Variants in CMTM8 observed in about 807,000 individuals in gnomAD.
CMTM8 encodes CKLF like MARVEL transmembrane domain containing 8, also known as CKLF-like MARVEL transmembrane domain-containing protein 8.
In CMTM8, 12 loss-of-function variants were observed where a neutral mutation model predicts 18.6. That is an observed-to-expected ratio of 0.65 (90% CI 0.41 to 1.05). CMTM8 has a LOEUF of 1.05. Ranked by LOEUF, CMTM8 falls within the 50% of genes least tolerant of loss-of-function variation. The pLI is 0.00. For missense variants in CMTM8, 217 were observed against 227.2 expected (o/e 0.95, Z 0.29); for synonymous variants, 87 against 90.6 (o/e 0.96, Z 0.23).
intron 1 of CMTM8, 97 bp from the exon 2 acceptor site, chr3:32,357,276 T>G: frequency 2.3e-5 from 21 of 904,490 alleles, no homozygotes; most frequent in South Asian, 3.4e-5. Flanking sequence ...GTAATTGACA[T>G]TCTGTATAAT....
chr3:32,354,826 A>G (rs1426919786), intron 1 of CMTM8, among the ~76,000 whole-genome samples: 3 of 152,200 alleles, frequency 2.0e-5, no homozygotes, highest in East Asian at 3.8e-4. Context: ...TGTCAAATAC[A>G]TGTGTATAGA....
intron 1 of CMTM8, among the ~76,000 whole-genome samples, chr3:32,294,376 G>A (rs949549002): frequency 1.3e-5 from 2 of 152,136 alleles, no homozygotes; most frequent in African/African-American, 2.4e-5. Flanking sequence ...TCTATGAAAC[G>A]TTTTCCGATT....
chr3:32,367,637 C>T (rs557438391), intron 2 of CMTM8, among the ~76,000 whole-genome samples: 13 of 152,038 alleles, frequency 8.6e-5, no homozygotes, highest in South Asian at 4.2e-4. Context: ...ACTGAAGGGG[C>T]GGCATGCAGT....
chr3:32,309,218 C>G (rs2125568116), intron 1 of CMTM8, among the ~76,000 whole-genome samples: 1 of 151,386 alleles, frequency 6.6e-6, no homozygotes, highest in Admixed American at 6.6e-5. Flanking sequence ...CCTTTCTAGA[C>G]TTGGTGCTGT....
At chr3:32,359,038 T>G (rs2125600287) in intron 2 of CMTM8, among the ~76,000 whole-genome samples, 1 of 152,352 alleles carries the variant, frequency 6.6e-6, no homozygotes, top group East Asian at 1.9e-4. Flanking sequence ...GAAGAGGAAC[T>G]TGGACAGTGT....
At chr3:32,338,454 T>A (rs184786539) in intron 1 of CMTM8, among the ~76,000 whole-genome samples, 173 of 152,200 alleles carry the variant, frequency 1.1e-3, no homozygotes, top group Middle Eastern at 3.4e-3. Context: ...TAAATCATGT[T>A]CTCTGGAAGA....
chr3:32,245,293 A>C (rs1701994197), intron 1 of CMTM8, among the ~76,000 whole-genome samples: 1 of 152,222 alleles, frequency 6.6e-6, no homozygotes, highest in Non-Finnish European at 1.5e-5. Flanking sequence ...TTAGGCAGAG[A>C]ACAAAGCAGT....
In CMTM8 at chr3:32,368,834, A is replaced by G. The variant is rs1426634904; in HGVS notation, c.438+846A>G. ...GTGTATTATTTTTCTAATTAAAAAA[A>G]ACTGGTATTAAGAATCTCTCTGAGA... On this transcript the variant is annotated intron_variant, in intron 3 of 3. Transcript: ENST00000307526. 2.0e-5 allele frequency among the ~76,000 whole-genome samples: 3 copies of G among 151,884 alleles called. No homozygotes were observed. In the East Asian group the frequency reaches 5.8e-4, roughly 29 times the overall value.
intron 1 of CMTM8, among the ~76,000 whole-genome samples, chr3:32,274,866 G>T (rs1180056536): frequency 6.6e-6 from 1 of 152,180 alleles, no homozygotes; most frequent in Non-Finnish European, 1.5e-5. Flanking sequence ...TTATGTGTGT[G>T]TGGTGTTTCC....
chr3:32,269,982 C>T (rs1325868997), intron 1 of CMTM8, among the ~76,000 whole-genome samples: 1 of 152,024 alleles, frequency 6.6e-6, no homozygotes, highest in African/African-American at 2.4e-5. Context: ...CTATGTTACC[C>T]AGGCTGGTCT....
intron 1 of CMTM8, among the ~76,000 whole-genome samples, chr3:32,319,973 T>A (rs1379091680): frequency 6.6e-6 from 1 of 152,196 alleles, no homozygotes; most frequent in Non-Finnish European, 1.5e-5. Flanking sequence ...TATGCTCTGC[T>A]CCATGCAGCT....
At chr3:32,263,720 G>A (rs887189463) in intron 1 of CMTM8, among the ~76,000 whole-genome samples, 2 of 152,084 alleles carry the variant, frequency 1.3e-5, no homozygotes, top group African/African-American at 4.8e-5. Context: ...TAGACGAATG[G>A]CTAACTAGAA....
At chr3:32,263,358 G>C (rs144706843) in intron 1 of CMTM8, among the ~76,000 whole-genome samples, 1 of 152,090 alleles carries the variant, frequency 6.6e-6, no homozygotes, top group East Asian at 1.9e-4. Flanking sequence ...GTGGACCTCC[G>C]GCAAACTCCA....
At chr3:32,318,377 C>T (rs530562001) in intron 1 of CMTM8, among the ~76,000 whole-genome samples, 1 of 152,172 alleles carries the variant, frequency 6.6e-6, no homozygotes, top group East Asian at 1.9e-4. Context: ...ATTCAACCCA[C>T]CCTTCCTCCT....
chr3:32,266,190 A>G lies in CMTM8; in HGVS notation c.147+27071A>G, dbSNP rs1352824564. On this transcript the variant is annotated intron_variant, in intron 1 of 3. Coordinates refer to ENST00000307526, the MANE Select transcript of CMTM8 (RefSeq NM_178868.5). ...AGACCAATATCCCTGATGAATATCA[A>G]TGCAAAAATCCTCAATAAAATACTG... Among the ~76,000 whole-genome samples the G allele has an allele frequency of 1.2e-4, 18 of 152,376 alleles. No homozygotes were observed. In the East Asian group the frequency reaches 2.9e-3, roughly 24 times the overall value.
intron 1 of CMTM8, among the ~76,000 whole-genome samples, chr3:32,316,145 A>G (rs1406431174): frequency 3.4e-5 from 5 of 147,072 alleles, no homozygotes; most frequent in Admixed American, 1.4e-4. Flanking sequence ...CTCCTGCCTC[A>G]GCCTCCCGAG....
chr3:32,247,772 C>T (rs1343144132), intron 1 of CMTM8, among the ~76,000 whole-genome samples: 1 of 152,182 alleles, frequency 6.6e-6, no homozygotes, highest in East Asian at 1.9e-4. Flanking sequence ...AATATTTTCT[C>T]TTTTAAAAAT....
intron 1 of CMTM8, among the ~76,000 whole-genome samples, chr3:32,344,552 A>G (rs1023164053): frequency 1.8e-4 from 28 of 152,232 alleles, no homozygotes; most frequent in Non-Finnish European, 5.9e-5. Flanking sequence ...CAAAGCTCAT[A>G]GACACCACAG....
intron 1 of CMTM8, chr3:32,259,956 G>A: frequency 8.7e-7 from 1 of 1,143,432 alleles, no homozygotes; most frequent in Non-Finnish European, 1.3e-6. Context: ...CAGCTCAACG[G>A]GATCCTGCTG....
Sources: allele counts gnomAD v4.1 joint callset (sites outside exome capture counted in the v4.1 genomes callset), GRCh38; gene constraint gnomAD v4.1.1; transcripts MANE v1.5; gene names NCBI Gene and HGNC (gene_info 2026-07-23, HGNC 2026-07-21).